Variants in IMPG2 observed in about 807,000 individuals in gnomAD.
The protein encoded by IMPG2 is IPM 200.
A neutral mutation model predicts 129.2 loss-of-function variants in IMPG2; 91 were observed. The observed-to-expected ratio is 0.70, with a 90% CI of 0.59 to 0.84. The LOEUF is 0.84. Among genes scored for constraint, IMPG2 ranks in the 40% least tolerant of loss-of-function variants. The pLI is 0.00. For missense variants in IMPG2, 1,430 were observed against 1,461.7 expected (o/e 0.98, Z 0.35); for synonymous variants, 510 against 517.7 (o/e 0.99, Z 0.20).
chr3:101,229,302 C>CCCCCCCCCCCCCCCCCCG, intron 17 of IMPG2, 78 bp downstream of exon 17: 1 of 833,640 alleles, frequency 1.2e-6, no homozygotes, highest in Non-Finnish European at 2.0e-6. Flanking sequence ...TCATACACAC[C>CCCCCCCCCCCCCCCCCCG]CCCACCCACC....
chr3:101,299,390 T>C (rs1225964262), intron 3 of IMPG2, among the ~76,000 whole-genome samples: 1 of 152,274 alleles, frequency 6.6e-6, no homozygotes, highest in Non-Finnish European at 1.5e-5. Context: ...AGCCTACTTC[T>C]GTCAATTCAT....
chr3:101,278,982 T>C (rs1393551268), intron 4 of IMPG2, among the ~76,000 whole-genome samples: 1 of 152,140 alleles, frequency 6.6e-6, no homozygotes, highest in African/African-American at 2.4e-5. Context: ...TTCAGATGCA[T>C]TCAGAAGAAA....
At chr3:101,247,374 G>C (rs1706491479) in intron 11 of IMPG2, among the ~76,000 whole-genome samples, 1 of 152,218 alleles carries the variant, frequency 6.6e-6, no homozygotes, top group South Asian at 2.1e-4. Flanking sequence ...GATGCAGGCA[G>C]ATAACCTGAG....
At position 101,261,800 on chromosome 3, in the gene IMPG2, C is replaced by G. The variant is rs553264356; in HGVS notation, c.909-4027G>C. ...GATGAGGTACAGAATAAAAGAAAAC[C>G]AAGAGGCCAAGGAAATACATGAGAA... On this transcript the variant is annotated intron_variant, in intron 9 of 18. Coordinates refer to ENST00000193391, the MANE Select transcript of IMPG2 (RefSeq NM_016247.4). 3.9e-5 allele frequency among the ~76,000 whole-genome samples: 6 copies of G among 152,018 alleles called. No homozygotes were observed. In the East Asian group the frequency reaches 1.2e-3, roughly 29 times the overall value.
intron 10 of IMPG2, 149 bp downstream of exon 10, chr3:101,257,380 T>C: frequency 1.1e-6 from 1 of 881,720 alleles, no homozygotes; most frequent in Non-Finnish European, 1.8e-6. Flanking sequence ...AATAGCTGCA[T>C]GGCTAAAACT....
Position 101,244,055 on chromosome 3 carries a change from A to G in IMPG2, c.2276T>C (p.Phe759Ser). 6.2e-7 allele frequency: 1 copy of G among 1,614,042 alleles called. No individual in the cohort carries two copies. The highest frequency in any genetic ancestry group is 8.5e-7 in the Non-Finnish European group (1 of 1,180,016). Reference protein sequence around the residue: ...QITESSNYEWFDSEVSMVKPD... With the variant: ...QITESSNYEWSDSEVSMVKPD... ...CTTTACCATTGAAACCTCACTGTCA[A>G]ACCATTCATAGTTGGATGACTCAGT... The change falls in exon 13 of 19, where the codon TTT becomes TCT. Residue 759 changes from phenylalanine (F) to serine (S), a missense_variant. By Grantham distance (155) the Phe-to-Ser change is radical. Transcript: ENST00000193391.
In IMPG2 at chr3:101,269,571, A is replaced by G; in HGVS notation, c.831T>C (p.Val277=). The change falls in exon 8 of 19, where the codon GTT becomes GTC. Residue 277 remains valine, a splice_region_variant and synonymous_variant. Coordinates refer to ENST00000193391, the MANE Select transcript of IMPG2 (RefSeq NM_016247.4). The part of the protein sequence containing the change: ...QHLEEEFISE[V]ENAFTGLPGY... ...CTGGTAACCCAGTAAATGCATTTTC[A>G]ACCTGTTAAAAGTACAAATAAAAAT... 1.7e-5 allele frequency: 26 copies of G among 1,569,346 alleles called. No homozygotes were observed. The highest frequency in any genetic ancestry group is 2.1e-5 in the Non-Finnish European group (24 of 1,139,662).
rs777459431 is a variant in IMPG2 at position 101,231,140 on chromosome 3, C to T, written c.3239G>A (p.Arg1080Gln). Residue 1080 changes from arginine to glutamine, a missense_variant, in exon 16 of 19, where the codon CGG becomes CAG. Coordinates refer to ENST00000193391, the MANE Select transcript of IMPG2 (RefSeq NM_016247.4). ...TCGGTACCACCAGTTCTCACCCACC[C>T]GGCACCTGCAACCAACAGTCACCAA... ...MPGHGAICRC[R>Q]VGENWWYRGK... 62 of 1,613,886 alleles carry T rather than the reference C, an allele frequency of 3.8e-5. 1 individual carries two copies. The Admixed American group carries it at 6.2e-4, about 16-fold the overall frequency.
intron 4 of IMPG2, among the ~76,000 whole-genome samples, chr3:101,280,492 C>G (rs1316676457): frequency 6.6e-6 from 1 of 152,120 alleles, no homozygotes; most frequent in Admixed American, 6.5e-5. Context: ...ACAAGAACAC[C>G]TCCACGTCTG....
rs1706451855 is a variant in IMPG2 at position 101,244,500 on chromosome 3, G to C, written c.1831C>G (p.Leu611Val). 6.2e-7 allele frequency: 1 copy of C among 1,610,996 alleles called. No individual in the cohort carries two copies. Among genetic ancestry groups the C allele is most frequent in the African/African-American group, 1.3e-5 (1 of 74,804 alleles). ...LGSGSGQKVD[L>V]ITWPWSETSS... ...GTCTCACTCCATGGCCAAGTAATCA[G>C]ATCTACCTTTTGCCCAGACCCTGAA... is the stretch of plus-strand genomic sequence containing the variant. The change falls in exon 13 of 19, where the codon CTG (leucine) becomes GTG (valine). Residue 611 changes from leucine to valine, a missense_variant. Transcript: ENST00000193391.
chr3:101,267,062 T>A (rs1472002990), intron 9 of IMPG2, among the ~76,000 whole-genome samples: 3 of 152,006 alleles, frequency 2.0e-5, no homozygotes, highest in Admixed American at 2.0e-4. Context: ...TTTTGTTAAG[T>A]GAAATAAGCC....
intron 2 of IMPG2, among the ~76,000 whole-genome samples, chr3:101,305,675 A>T (rs1053612030): frequency 4.6e-5 from 7 of 152,082 alleles, no homozygotes; most frequent in African/African-American, 7.2e-5. Flanking sequence ...TTAAGAAAAA[A>T]AAATATATAT....
At chr3:101,233,132 T>C in intron 14 of IMPG2, 141 bp from the exon 15 acceptor site, 1 of 753,296 alleles carries the variant, frequency 1.3e-6, no homozygotes, top group Non-Finnish European at 2.3e-6. Context: ...TCGCCACCAA[T>C]ACCACACACA....
intron 15 of IMPG2, among the ~76,000 whole-genome samples, chr3:101,232,378 C>T (rs1306458466): frequency 6.6e-6 from 1 of 152,060 alleles, no homozygotes; most frequent in Non-Finnish European, 1.5e-5. Flanking sequence ...GCTGGGATTA[C>T]AGGTGCCTGC....
rs117212466 is a variant in IMPG2 at position 101,253,402 on chromosome 3, T to C, written c.1239+294A>G. The stretch of plus-strand genomic sequence containing the variant: ...TGGGTAACTCTCAGAGAACAATCAG[T>C]GGGCACTTAATAGCCTAATTATCAC... On this transcript the variant is annotated intron_variant, in intron 11 of 18. Transcript: ENST00000193391. Among the ~76,000 whole-genome samples the C allele has an allele frequency of 7.7e-4, 117 of 152,266 alleles. 2 individuals are homozygous for C. In the East Asian group the frequency reaches 0.019, roughly 25 times the overall value.
At chr3:101,307,190 C>T (rs547734139) in intron 2 of IMPG2, among the ~76,000 whole-genome samples, 9 of 152,304 alleles carry the variant, frequency 5.9e-5, no homozygotes, top group African/African-American at 2.2e-4. Context: ...AGTATCCACA[C>T]ACAAACCAAG....
intron 2 of IMPG2, among the ~76,000 whole-genome samples, chr3:101,308,373 C>T (rs779226075): frequency 9.2e-5 from 14 of 152,262 alleles, no homozygotes; most frequent in Non-Finnish European, 1.8e-4. Context: ...GCCTGGACAT[C>T]CAGACATTTC....
At chr3:101,227,011 TA>T (rs368225624) in intron 18 of IMPG2, 30 bp from the exon 19 acceptor site, 214 of 1,572,282 alleles carry the variant, frequency 1.4e-4, no homozygotes, top group South Asian at 3.2e-4. Context: ...AGCAATTCAG[TA>T]AAAAAAAAGC....
chr3:101,304,713 T>C (rs1010178321), intron 2 of IMPG2, among the ~76,000 whole-genome samples: 3 of 152,118 alleles, frequency 2.0e-5, no homozygotes, highest in African/African-American at 7.2e-5. Context: ...AAATCATAAC[T>C]TCAAAAATCA....
Sources: allele counts gnomAD v4.1 joint callset (sites outside exome capture counted in the v4.1 genomes callset), GRCh38; gene constraint gnomAD v4.1.1; transcripts MANE v1.5; gene names NCBI Gene and HGNC (gene_info 2026-07-23, HGNC 2026-07-21).